The following MGAT4A variants were observed in gnomAD, a reference collection of about 807,000 sequenced individuals.
MGAT4A encodes N-acetylglucosaminyltransferase IVa.
In MGAT4A, 33 loss-of-function variants were observed where a neutral mutation model predicts 74.1. The observed-to-expected ratio is 0.45, with a 90% CI of 0.34 to 0.60. MGAT4A has a LOEUF of 0.60. MGAT4A is among the 20% of genes least tolerant of loss of function. The pLI, the probability that MGAT4A is intolerant of heterozygous loss-of-function variation, is 0.02. For synonymous variants in MGAT4A, 198 were observed against 210.4 expected (o/e 0.94, Z 0.51); for missense variants, 479 against 628.3 (o/e 0.76, Z 2.54).
chr2:98,654,403 G>A (rs1701629128), intron 8 of MGAT4A, among the ~76,000 whole-genome samples: 1 of 151,968 alleles, frequency 6.6e-6, no homozygotes, highest in African/African-American at 2.4e-5. Context: ...AATCTTATAT[G>A]TAGAAAAACC....
intron 4 of MGAT4A, among the ~76,000 whole-genome samples, chr2:98,665,022 A>G (rs1045043224): frequency 6.6e-6 from 1 of 152,208 alleles, no homozygotes; most frequent in African/African-American, 2.4e-5. Context: ...AAAAATACTT[A>G]TAATTCACAG....
At chr2:98,718,445 C>A (rs1702619580) in intron 2 of MGAT4A, among the ~76,000 whole-genome samples, 1 of 152,168 alleles carries the variant, frequency 6.6e-6, no homozygotes, top group Non-Finnish European at 1.5e-5. Flanking sequence ...GGACAAATAG[C>A]ACATGAATAA....
chr2:98,665,653 C>T (rs537211129), intron 4 of MGAT4A, among the ~76,000 whole-genome samples: 10 of 152,348 alleles, frequency 6.6e-5, no homozygotes, highest in East Asian at 5.8e-4. Flanking sequence ...CCTCATGGAA[C>T]GCACATTCTA....
At chr2:98,711,262 GAAA>G (rs60628182) in intron 2 of MGAT4A, among the ~76,000 whole-genome samples, 4 of 110,308 alleles carry the variant, frequency 3.6e-5, no homozygotes, top group African/African-American at 9.4e-5. Flanking sequence ...AGTTAATTTG[GAAA>G]AAAAAAAAAA....
rs117987024 is a variant in MGAT4A at position 98,634,389 on chromosome 2, C to G, written c.1468+833G>C. On this transcript the variant is annotated intron_variant, in intron 14 of 15. Coordinates refer to ENST00000393487, the MANE Select transcript of MGAT4A (RefSeq NM_012214.3). ...GAAAATGGCTAGAGATGTGGCTGCC[C>G]GGAGAGTGTGGGGCCTTCATCAGAG... Among the ~76,000 whole-genome samples, 723 of 151,966 alleles carry G rather than the reference C, an allele frequency of 4.8e-3. 4 individuals are homozygous for G. Among genetic ancestry groups the G allele is most frequent in the Middle Eastern group, 0.024 (7 of 294 alleles).
chr2:98,705,429 A>G (rs1702411280), intron 2 of MGAT4A, among the ~76,000 whole-genome samples: 1 of 152,164 alleles, frequency 6.6e-6, no homozygotes, highest in South Asian at 2.1e-4. Flanking sequence ...CACTTCATGA[A>G]CAGGGTGACT....
intron 4 of MGAT4A, among the ~76,000 whole-genome samples, chr2:98,674,031 T>C (rs1701946441): frequency 6.6e-6 from 1 of 152,224 alleles, no homozygotes; most frequent in Non-Finnish European, 1.5e-5. Context: ...TTTAAGAGTT[T>C]CCACCTCCTT....
intron 6 of MGAT4A, among the ~76,000 whole-genome samples, chr2:98,657,776 G>A (rs571252664): frequency 6.6e-6 from 1 of 152,174 alleles, no homozygotes; most frequent in East Asian, 1.9e-4. Flanking sequence ...CATGTGCCTC[G>A]CTCATAGTAA....
chr2:98,636,559 T>G lies in MGAT4A; in HGVS notation c.1359A>C (p.Gly453=), dbSNP rs372364637. The stretch of plus-strand genomic sequence containing the variant: ...CCACAGTTGTGTTTAGCAGAATATC[T>G]CCAGGATGTTCTTGGTTGCCGCTAT... ...LFHSGNQEHP[G]DILLNTTVEV... The change falls in exon 13 of 16, where the codon GGA becomes GGC. Residue 453 remains glycine (G), a synonymous_variant. Transcript: ENST00000393487. 2 of 1,613,854 alleles carry G rather than the reference T, an allele frequency of 1.2e-6. No homozygotes were observed. The highest frequency in any genetic ancestry group is 1.3e-5 in the African/African-American group (1 of 75,014).
At position 98,626,518 on chromosome 2, in the gene MGAT4A, T is replaced by C. The variant is rs192125113; in HGVS notation, c.1469-683A>G. On this transcript the variant is annotated intron_variant, in intron 14 of 15. Transcript: ENST00000393487. ...AGAAAAGTGACAAGAAAATGGTTCA[T>C]TGTGGGCCAAATTTCTTTAAGCCAA... Among the ~76,000 whole-genome samples, 50 of 152,300 alleles carry C rather than the reference T, an allele frequency of 3.3e-4. 1 individual carries two copies. The highest frequency in any genetic ancestry group is 3.8e-4 in the African/African-American group (16 of 41,568).
Position 98,621,949 on chromosome 2 carries a change from C to T in MGAT4A, c.*3617G>A, listed in dbSNP as rs1018340940. ...CAATTGTTGAACAAATACACACATACGTATCTACAGCCTATGTGCTAAATA... is the reference window on the plus strand; with the variant it reads ...CAATTGTTGAACAAATACACACATATGTATCTACAGCCTATGTGCTAAATA... On this transcript the variant is annotated 3_prime_UTR_variant, in exon 16 of 16. Transcript: ENST00000393487. 15 of 993,282 alleles carry T rather than the reference C, an allele frequency of 1.5e-5. No homozygotes were observed. Among genetic ancestry groups the T allele is most frequent in the African/African-American group, 5.2e-5 (3 of 57,322 alleles). The allele number at this position is 993,282 out of a possible 1,614,324, so 61.5% of individuals were successfully genotyped here. A position where few individuals can be genotyped will look rare whatever the true frequency, so the allele number is the denominator to read the frequency against.
At position 98,648,722 on chromosome 2, in the gene MGAT4A, C is replaced by CAA. The variant is rs1339443335; in HGVS notation, c.775-3182_775-3181dup. On this transcript the variant is annotated intron_variant, in intron 8 of 15. Coordinates refer to ENST00000393487, the MANE Select transcript of MGAT4A (RefSeq NM_012214.3). ...TGGCAAGAGAGGAAGACCCTGTCTCCAAAAAAAAAAAAAAAGCTCACTGAC... is the reference window on the plus strand; with the variant it reads ...TGGCAAGAGAGGAAGACCCTGTCTCCAAAAAAAAAAAAAAAAAGCTCACTGAC... 2.5e-4 allele frequency among the ~76,000 whole-genome samples: 31 copies of CAA among 121,720 alleles called. No individual in the cohort carries two copies. The East Asian group carries it at 3.6e-3, about 14-fold the overall frequency. 79.9% of individuals were successfully genotyped at this position (121,720 alleles called of 152,430 possible).
In MGAT4A at chr2:98,660,447, C is replaced by T. The variant is rs1701731181; in HGVS notation, c.538-2183G>A. Among the ~76,000 whole-genome samples the T allele has an allele frequency of 4.6e-5, 5 of 107,794 alleles. No individual in the cohort carries two copies. In the South Asian group the frequency reaches 1.7e-3, roughly 37 times the overall value. 70.7% of individuals were successfully genotyped at this position (107,794 alleles called of 152,430 possible). On this transcript the variant is annotated intron_variant, in intron 5 of 15. Coordinates refer to ENST00000393487, the MANE Select transcript of MGAT4A (RefSeq NM_012214.3). ...ACACACACACACACACACACACACA[C>T]ACACACACACAACAAATAGCCAAGG...
Position 98,622,636 on chromosome 2 carries a change from G to T in MGAT4A, c.*2930C>A. ...GGGGAAAGGATGGCTGCTTCTACTA[G>T]TTGAGTGCAGAACTGGGCAGAAAGG... On this transcript the variant is annotated 3_prime_UTR_variant, in exon 16 of 16. Coordinates refer to ENST00000393487, the MANE Select transcript of MGAT4A (RefSeq NM_012214.3). 1 of 985,560 alleles carries T rather than the reference G, an allele frequency of 1.0e-6. No homozygotes were observed. The highest frequency in any genetic ancestry group is 1.7e-5 in the African/African-American group (1 of 57,344). The allele number at this position is 985,560 out of a possible 1,614,324, so 61.1% of individuals were successfully genotyped here.
chr2:98,658,297 GT>G, intron 5 of MGAT4A, 33 bp from the exon 6 acceptor site: 1 of 1,343,912 alleles, frequency 7.4e-7, no homozygotes. Context: ...CTATATTCAA[GT>G]TTTTATATTT....
intron 2 of MGAT4A, among the ~76,000 whole-genome samples, chr2:98,679,256 A>C (rs925057952): frequency 6.6e-6 from 1 of 152,058 alleles, no homozygotes; most frequent in African/African-American, 2.4e-5. Flanking sequence ...AATACAAAAA[A>C]TTAGCCAGGA....
At chr2:98,664,447 T>C (rs1288221001) in intron 4 of MGAT4A, among the ~76,000 whole-genome samples, 3 of 152,166 alleles carry the variant, frequency 2.0e-5, no homozygotes, top group Non-Finnish European at 2.9e-5. Context: ...CCCAGCTGAA[T>C]TGAGTTCAGA....
At chr2:98,638,333 C>A (rs962407246) in intron 12 of MGAT4A, among the ~76,000 whole-genome samples, 2 of 152,130 alleles carry the variant, frequency 1.3e-5, no homozygotes, top group Non-Finnish European at 2.9e-5. Context: ...ATCCTATACA[C>A]ATATAATGCC....
chr2:98,643,831 C>T, intron 10 of MGAT4A, 92 bp downstream of exon 10: 1 of 1,241,244 alleles, frequency 8.1e-7, no homozygotes, highest in Admixed American at 2.8e-5. Flanking sequence ...TATCACCTAC[C>T]TATTTAACTA....
Sources: gnomAD v4.1 joint callset for allele counts (sites outside exome capture counted in the v4.1 genomes callset) on GRCh38, gnomAD v4.1.1 for gene constraint, MANE v1.5 for transcripts, NCBI Gene and HGNC (gene_info 2026-07-23, HGNC 2026-07-21) for gene names.